The following SLC44A5 variants were observed in gnomAD, a reference collection of about 807,000 sequenced individuals.
SLC44A5 encodes the protein solute carrier family 44 member 5, also known as choline transporter-like protein 5.
In SLC44A5, 57 loss-of-function variants were observed where a neutral mutation model predicts 101.8. The observed-to-expected ratio is 0.56, with a 90% CI of 0.45 to 0.70. SLC44A5 has a LOEUF of 0.70. SLC44A5 is among the 30% of genes least tolerant of loss of function. The pLI is 0.00. For synonymous variants in SLC44A5, 281 were observed against 290.9 expected (o/e 0.97, Z 0.35); for missense variants, 737 against 853.1 (o/e 0.86, Z 1.70).
chr1:75,534,031 G>C (rs1417869898), intron 2 of SLC44A5, among the ~76,000 whole-genome samples: 1 of 152,070 alleles, frequency 6.6e-6, no homozygotes, highest in Non-Finnish European at 1.5e-5. Flanking sequence ...TGGCTCTTTT[G>C]CCCTGAGTCC....
At chr1:75,275,944 C>T (rs932601331) in intron 5 of SLC44A5, among the ~76,000 whole-genome samples, 1 of 152,088 alleles carries the variant, frequency 6.6e-6, no homozygotes, top group Non-Finnish European at 1.5e-5. Context: ...CAGCTATCTC[C>T]CTCCCCACAT....
At chr1:75,342,337 G>A (rs1657946249) in intron 3 of SLC44A5, among the ~76,000 whole-genome samples, 1 of 152,140 alleles carries the variant, frequency 6.6e-6, no homozygotes. Context: ...GTACTTCTCT[G>A]AGCACTGCAA....
chr1:75,606,800 T>A (rs1675350397), intron 1 of SLC44A5, among the ~76,000 whole-genome samples: 1 of 152,012 alleles, frequency 6.6e-6, no homozygotes, highest in African/African-American at 2.4e-5. Flanking sequence ...CACTGTTGAT[T>A]ATCATTTTCC....
intron 4 of SLC44A5, among the ~76,000 whole-genome samples, chr1:75,306,644 C>G (rs1254916618): frequency 6.6e-6 from 1 of 151,014 alleles, no homozygotes; most frequent in African/African-American, 2.4e-5. Flanking sequence ...CACACTAGCT[C>G]TTATTCTCCA....
At chr1:75,387,936 T>C (rs1390222833) in intron 3 of SLC44A5, among the ~76,000 whole-genome samples, 15 of 143,736 alleles carry the variant, frequency 1.0e-4, no homozygotes, top group East Asian at 4.2e-4. Flanking sequence ...TTGGAAATCA[T>C]CATTCTCAGT....
chr1:75,472,550 G>A (rs147710192), intron 2 of SLC44A5, among the ~76,000 whole-genome samples: 2,073 of 152,286 alleles, frequency 0.014, 46 homozygotes, highest in Middle Eastern at 0.051. Context: ...CTTGCGCTGT[G>A]AAGTGAGATA....
chr1:75,640,503 A>G, the SLC44A5 span, among the ~76,000 whole-genome samples: 2 of 152,064 alleles, frequency 1.3e-5, no homozygotes, highest in African/African-American at 4.8e-5. Flanking sequence ...TCATTGGGAA[A>G]CCATCACAGA....
intron 4 of SLC44A5, among the ~76,000 whole-genome samples, chr1:75,331,815 C>G (rs904610115): frequency 1.3e-5 from 2 of 152,156 alleles, no homozygotes; most frequent in African/African-American, 4.8e-5. Flanking sequence ...TTTGCCTCCT[C>G]TATCTAACAT....
chr1:75,485,209 C>T (rs750149414), intron 2 of SLC44A5, among the ~76,000 whole-genome samples: 4 of 152,312 alleles, frequency 2.6e-5, no homozygotes, highest in South Asian at 2.1e-4. Flanking sequence ...CAAACTTTTA[C>T]GCTCTACTTC....
chr1:75,342,907 T>G (rs569892385), intron 3 of SLC44A5, among the ~76,000 whole-genome samples: 2 of 152,184 alleles, frequency 1.3e-5, no homozygotes, highest in Admixed American at 6.6e-5. Flanking sequence ...TGATTCTGTA[T>G]AGTAATGACA....
intron 4 of SLC44A5, among the ~76,000 whole-genome samples, chr1:75,325,352 T>C (rs1020557868): frequency 5.3e-5 from 8 of 152,182 alleles, no homozygotes; most frequent in Non-Finnish European, 1.5e-5. Flanking sequence ...CTATAGGTAC[T>C]GATGGATTAA....
rs369769735 is a variant in SLC44A5 at position 75,227,881 on chromosome 1, A to G, written c.854-24T>C. The G allele has an allele frequency of 8.0e-5, 125 of 1,557,812 alleles. 1 individual carries two copies. The African/African-American group carries it at 1.5e-3, about 19-fold the overall frequency. Reference sequence around the variant, plus strand: ...TCCTTGAAAAAGAAAGAAAAACAGAATAATATAAAATATGATTTTCTGAAA... The same window carrying G: ...TCCTTGAAAAAGAAAGAAAAACAGAGTAATATAAAATATGATTTTCTGAAA... On this transcript the variant is annotated intron_variant, in intron 12 of 23. Coordinates refer to ENST00000370859, the MANE Select transcript of SLC44A5 (RefSeq NM_001130058.2).
chr1:75,316,694 TAGA>T (rs1375100289), intron 4 of SLC44A5, among the ~76,000 whole-genome samples: 2 of 152,226 alleles, frequency 1.3e-5, no homozygotes, highest in Non-Finnish European at 2.9e-5. Context: ...TGGTTAAAAG[TAGA>T]AGGAGGGTTA....
At chr1:75,654,070 C>T in the SLC44A5 span, among the ~76,000 whole-genome samples, 4 of 152,110 alleles carry the variant, frequency 2.6e-5, no homozygotes, top group African/African-American at 4.8e-5. Context: ...AAAACCTAGA[C>T]GTTTCATCTA....
rs1183596267 is a variant in SLC44A5 at position 75,251,305 on chromosome 1, A to C, written c.261-11T>G. Reference sequence around the variant, plus strand: ...AAAATGGTCTTGTTCCTGTTAAGAAAGAAAACATAATCTTTTTAGTGACCA... The same window carrying C: ...AAAATGGTCTTGTTCCTGTTAAGAACGAAAACATAATCTTTTTAGTGACCA... On this transcript the variant is annotated splice_polypyrimidine_tract_variant and intron_variant, in intron 6 of 23. Transcript: ENST00000370859. The C allele has an allele frequency of 1.2e-6, 2 of 1,600,186 alleles. No homozygotes were observed.
chr1:75,384,185 G>A (rs977588028), intron 3 of SLC44A5, among the ~76,000 whole-genome samples: 5 of 152,118 alleles, frequency 3.3e-5, no homozygotes, highest in Non-Finnish European at 7.3e-5. Flanking sequence ...CATAATGACA[G>A]GATCTAATTC....
At chr1:75,637,838 C>T in the SLC44A5 span, among the ~76,000 whole-genome samples, 3 of 151,914 alleles carry the variant, frequency 2.0e-5, no homozygotes, top group African/African-American at 7.2e-5. Flanking sequence ...ACCCACTATA[C>T]ACAGACATGC....
intron 11 of SLC44A5, among the ~76,000 whole-genome samples, chr1:75,234,399 T>C (rs1335735): frequency 0.28 from 42,802 of 151,852 alleles, 6,335 homozygotes; most frequent in Middle Eastern, 0.36. Context: ...CAATTTTGAT[T>C]TATTGGAGAC....
chr1:75,334,302 A>G (rs1189325111), intron 4 of SLC44A5, among the ~76,000 whole-genome samples: 1 of 152,188 alleles, frequency 6.6e-6, no homozygotes, highest in African/African-American at 2.4e-5. Context: ...TAAATAAACT[A>G]TCATCTTGGC....
Sources: gnomAD v4.1 joint callset for allele counts (sites outside exome capture counted in the v4.1 genomes callset) on GRCh38, gnomAD v4.1.1 for gene constraint, MANE v1.5 for transcripts, NCBI Gene and HGNC (gene_info 2026-07-23, HGNC 2026-07-21) for gene names.